TDRP: variants seen among roughly 807,000 people sequenced by gnomAD.
TDRP encodes testis development-related protein.
TDRP carries 12 observed loss-of-function variants against 10.5 expected under a neutral mutation model. That is an observed-to-expected ratio of 1.15 (90% CI 0.73 to 1.86). The LOEUF is 1.86. Ranked by LOEUF, TDRP falls within the 40% of genes most tolerant of loss-of-function variation. The pLI is 0.00. For synonymous variants in TDRP, 139 were observed against 95.4 expected (o/e 1.46, Z -2.67); for missense variants, 353 against 229.2 (o/e 1.54, Z -3.49).
At chr8:507,370 G>C (rs1192875660) in intron 1 of TDRP, among the ~76,000 whole-genome samples, 3 of 152,156 alleles carry the variant, frequency 2.0e-5, no homozygotes, top group Non-Finnish European at 4.4e-5. Flanking sequence ...AAGACAGCTG[G>C]AAGGATCCTT....
intron 1 of TDRP, among the ~76,000 whole-genome samples, chr8:539,906 C>T (rs181470056): frequency 1.3e-5 from 2 of 152,354 alleles, no homozygotes; most frequent in Admixed American, 1.3e-4. Context: ...ACACCTGAAA[C>T]ACTCCTTGAT....
In TDRP at chr8:491,699, T is replaced by G. The variant is rs1047158097; in HGVS notation, c.*700A>C. On this transcript the variant is annotated 3_prime_UTR_variant, in exon 3 of 3. Transcript: ENST00000324079. ...TAAACAAAAAAGAGAGCAAATGTTT[T>G]AAGAAAATAAAGGGACCGATTTAGA... 6.7e-7 allele frequency: 1 copy of G among 1,493,080 alleles called. No homozygotes were observed. Among genetic ancestry groups the G allele is most frequent in the Non-Finnish European group, 8.8e-7 (1 of 1,134,022 alleles). The allele number at this position is 1,493,080 out of a possible 1,614,324, so 92.5% of individuals were successfully genotyped here. A position where few individuals can be genotyped will look rare whatever the true frequency, so the allele number is the denominator to read the frequency against.
intron 1 of TDRP, among the ~76,000 whole-genome samples, chr8:528,131 A>G (rs1784838912): frequency 6.6e-6 from 1 of 152,242 alleles, no homozygotes; most frequent in South Asian, 2.1e-4. Flanking sequence ...AAGAAGACAT[A>G]TAATTGGTAA....
chr8:517,292 G>C (rs940726705), intron 1 of TDRP, among the ~76,000 whole-genome samples: 7 of 152,104 alleles, frequency 4.6e-5, no homozygotes, highest in African/African-American at 1.7e-4. Flanking sequence ...TTTTGGAATG[G>C]CCCTGCCCAG....
At position 492,442 on chromosome 8, in the gene TDRP, T is replaced by C. The variant is rs1801005494; in HGVS notation, c.515A>G (p.Gln172Arg). Reference sequence around the variant, plus strand: ...GCTATCTGTCAGGTGGCCTTTACTCTGCCGTCGGATGCTCACCAGCCTCCC... The same window carrying C: ...GCTATCTGTCAGGTGGCCTTTACTCCGCCGTCGGATGCTCACCAGCCTCCC... ...AAGRLVSIRRQSKGHLTDSPE... is the reference protein window; with the variant it reads ...AAGRLVSIRRRSKGHLTDSPE... The change falls in exon 3 of 3, where the codon CAG becomes CGG. Residue 172 changes from glutamine (Q) to arginine (R), a missense_variant. Physicochemically the swap from Gln to Arg is conservative, Grantham distance 43. Transcript: ENST00000324079. 6.3e-7 allele frequency: 1 copy of C among 1,587,332 alleles called. No individual in the cohort carries two copies. The highest frequency in any genetic ancestry group is 1.7e-5 in the Admixed American group (1 of 58,006).
intron 1 of TDRP, among the ~76,000 whole-genome samples, chr8:543,220 G>A (rs891051008): frequency 6.6e-6 from 1 of 152,110 alleles, no homozygotes; most frequent in Admixed American, 6.5e-5. Flanking sequence ...GCTGAGAGAG[G>A]AGAATAGCTT....
At chr8:500,454 C>A (rs1801259459) in intron 1 of TDRP, among the ~76,000 whole-genome samples, 1 of 152,076 alleles carries the variant, frequency 6.6e-6, no homozygotes, top group African/African-American at 2.4e-5. Flanking sequence ...ACCCTGAAGG[C>A]CTTGTTTAGA....
chr8:509,293 T>C (rs1314519937), intron 1 of TDRP, among the ~76,000 whole-genome samples: 2 of 152,208 alleles, frequency 1.3e-5, no homozygotes, highest in Non-Finnish European at 2.9e-5. Flanking sequence ...CTGTGGGGGC[T>C]CCAACCCCAC....
intron 1 of TDRP, among the ~76,000 whole-genome samples, chr8:542,745 C>A (rs1191674005): frequency 2.6e-5 from 4 of 151,646 alleles, no homozygotes; most frequent in African/African-American, 9.7e-5. Context: ...TGCTCGTAAT[C>A]CCAGCTACTC....
chr8:527,694 G>A (rs1317830215), intron 1 of TDRP, among the ~76,000 whole-genome samples: 1 of 152,096 alleles, frequency 6.6e-6, no homozygotes, highest in East Asian at 1.9e-4. Flanking sequence ...GGGAAAACTG[G>A]ATATCCACAT....
chr8:518,521 G>C lies in TDRP; in HGVS notation c.109-23924C>G, dbSNP rs373971351. Among the ~76,000 whole-genome samples, 48 of 152,262 alleles carry C rather than the reference G, an allele frequency of 3.2e-4. No individual in the cohort carries two copies. In the East Asian group the frequency reaches 5.2e-3, roughly 17 times the overall value. ...CAAACCCATGTATATAGAGATTTTA[G>C]TATACAGTAAGAGGTGCATGACAAA... On this transcript the variant is annotated intron_variant, in intron 1 of 2. Coordinates refer to ENST00000324079, the MANE Select transcript of TDRP (RefSeq NM_001384899.1).
chr8:534,017 G>A lies in TDRP; in HGVS notation c.108+10633C>T, dbSNP rs1802279932. On this transcript the variant is annotated intron_variant, in intron 1 of 2. Transcript: ENST00000324079. Reference sequence around the variant, plus strand: ...TTTATCAGTGCTTTCAAAAGGCACTGATTGTTGAAGCCCTAGTTATTTAAT... The same window carrying A: ...TTTATCAGTGCTTTCAAAAGGCACTAATTGTTGAAGCCCTAGTTATTTAAT... Among the ~76,000 whole-genome samples the A allele has an allele frequency of 2.0e-5, 3 of 152,204 alleles. No individual in the cohort carries two copies. In the South Asian group the frequency reaches 6.2e-4, roughly 32 times the overall value.
At chr8:510,115 C>G (rs1801573696) in intron 1 of TDRP, among the ~76,000 whole-genome samples, 6 of 152,190 alleles carry the variant, frequency 3.9e-5, no homozygotes, top group Admixed American at 3.9e-4. Context: ...GTGTGTTCAC[C>G]AACCAGGAAG....
At chr8:519,817 C>T (rs7015080) in intron 1 of TDRP, among the ~76,000 whole-genome samples, 105,452 of 152,096 alleles carry the variant, frequency 0.69, 37,022 homozygotes, top group African/African-American at 0.75. Context: ...TGTGACCCAC[C>T]CTGATGGCTC....
At chr8:496,923 A>G (rs140744302) in intron 1 of TDRP, among the ~76,000 whole-genome samples, 321 of 152,336 alleles carry the variant, frequency 2.1e-3, no homozygotes, top group African/African-American at 7.3e-3. Flanking sequence ...TTGCTGCCAC[A>G]TAAGATGTGC....
At chr8:531,556 A>G (rs2116855802) in intron 1 of TDRP, among the ~76,000 whole-genome samples, 1 of 152,320 alleles carries the variant, frequency 6.6e-6, no homozygotes, top group South Asian at 2.1e-4. Flanking sequence ...AGAAGAAACC[A>G]CACATACGGA....
chr8:507,356 G>A (rs1801494515), intron 1 of TDRP, among the ~76,000 whole-genome samples: 1 of 152,146 alleles, frequency 6.6e-6, no homozygotes, highest in Non-Finnish European at 1.5e-5. Flanking sequence ...AAGAACTAGG[G>A]AATAAGACAG....
chr8:534,770 A>C (rs948416474), intron 1 of TDRP, among the ~76,000 whole-genome samples: 7 of 152,232 alleles, frequency 4.6e-5, no homozygotes, highest in African/African-American at 1.4e-4. Flanking sequence ...ATTACAAATA[A>C]ATTTTAGCAA....
chr8:510,869 G>C (rs1801597900), intron 1 of TDRP, among the ~76,000 whole-genome samples: 1 of 152,148 alleles, frequency 6.6e-6, no homozygotes, highest in Non-Finnish European at 1.5e-5. Context: ...CCCAGAACTA[G>C]TCTGAAAAGC....
Sources: gnomAD v4.1 joint callset for allele counts (sites outside exome capture counted in the v4.1 genomes callset) on GRCh38, gnomAD v4.1.1 for gene constraint, MANE v1.5 for transcripts, NCBI Gene and HGNC (gene_info 2026-07-23, HGNC 2026-07-21) for gene names.